Variants in SLC9A9 observed in about 807,000 individuals in gnomAD.
SLC9A9 encodes sodium/hydrogen exchanger 9.
SLC9A9 carries 62 observed loss-of-function variants against 77.8 expected under a neutral mutation model. That is an observed-to-expected ratio of 0.80 (90% confidence interval 0.65 to 0.98). The LOEUF (loss-of-function observed/expected upper bound fraction) is 0.98, where lower values mean the gene tolerates loss of function less well. Among genes scored for constraint, SLC9A9 ranks in the 50% least tolerant of loss-of-function variants. The probability of loss-of-function intolerance (pLI) is 0.00; values close to 1 mark genes in which losing one functional copy is unlikely to be tolerated. For missense variants in SLC9A9, 775 were observed against 774.9 expected (o/e 1.00, Z 0.00); for synonymous variants, 320 against 283.5 (o/e 1.13, Z -1.29).
chr3:143,385,462 T>C (rs965417560), intron 12 of SLC9A9, among the ~76,000 whole-genome samples: 1 of 152,190 alleles, frequency 6.6e-6, no homozygotes, highest in African/African-American at 2.4e-5. Context: ...CATGGCACCT[T>C]CACACAGCAT....
At chr3:143,541,398 C>A (rs2036687683) in intron 9 of SLC9A9, among the ~76,000 whole-genome samples, 1 of 152,128 alleles carries the variant, frequency 6.6e-6, no homozygotes, top group South Asian at 2.1e-4. Context: ...GACACGGAAG[C>A]CCTGATCAAC....
chr3:143,388,157 A>G (rs6440169), intron 12 of SLC9A9, among the ~76,000 whole-genome samples: 126,572 of 152,148 alleles, frequency 0.83, 52,784 homozygotes, highest in African/African-American at 0.86. Flanking sequence ...GATACCCACT[A>G]AGGTTTGGGG....
intron 14 of SLC9A9, among the ~76,000 whole-genome samples, chr3:143,299,740 G>A (rs978080023): frequency 2.6e-5 from 4 of 152,152 alleles, no homozygotes; most frequent in Admixed American, 6.5e-5. Flanking sequence ...ACCACGTCCT[G>A]CCACACATTT....
At chr3:143,750,087 G>C (rs2006659322) in intron 4 of SLC9A9, among the ~76,000 whole-genome samples, 1 of 152,156 alleles carries the variant, frequency 6.6e-6, no homozygotes, top group South Asian at 2.1e-4. Context: ...AAGAGACAGA[G>C]AGAAAGAGAC....
At chr3:143,465,969 G>T (rs2035273885) in intron 12 of SLC9A9, among the ~76,000 whole-genome samples, 1 of 152,178 alleles carries the variant, frequency 6.6e-6, no homozygotes, top group Non-Finnish European at 1.5e-5. Context: ...CCTGGTTTGA[G>T]CATAAGGTTT....
At chr3:143,442,032 A>G (rs1369621075) in intron 12 of SLC9A9, among the ~76,000 whole-genome samples, 1 of 151,166 alleles carries the variant, frequency 6.6e-6, no homozygotes, top group African/African-American at 2.4e-5. Flanking sequence ...CCAACCACCC[A>G]TCCCTTAACT....
chr3:143,558,362 AC>A (rs1490959652), intron 8 of SLC9A9, among the ~76,000 whole-genome samples: 1 of 152,074 alleles, frequency 6.6e-6, no homozygotes, highest in East Asian at 1.9e-4. Context: ...TGTCCTCTAG[AC>A]CCCAGAATTG....
At chr3:143,694,707 C>T (rs897846864) in intron 4 of SLC9A9, among the ~76,000 whole-genome samples, 2 of 152,120 alleles carry the variant, frequency 1.3e-5, no homozygotes, top group Non-Finnish European at 2.9e-5. Flanking sequence ...GCTCTAAAGC[C>T]TTGGCTTTTA....
In SLC9A9 at chr3:143,266,006, T is replaced by C. The variant is rs902446180; in HGVS notation, c.*696A>G. Reference sequence around the variant, plus strand: ...AAGAAACCTGGTTTTCTTGGAATGGTCCTACTAAGCTTGAAAGTGGTGCTG... The same window carrying C: ...AAGAAACCTGGTTTTCTTGGAATGGCCCTACTAAGCTTGAAAGTGGTGCTG... On this transcript the variant is annotated 3_prime_UTR_variant, in exon 16 of 16. Coordinates refer to ENST00000316549, the MANE Select transcript of SLC9A9 (RefSeq NM_173653.4). 2.9e-6 allele frequency: 2 copies of C among 700,394 alleles called. No homozygotes were observed. The highest frequency in any genetic ancestry group is 4.0e-5 in the Admixed American group (2 of 49,704). 43.4% of individuals were successfully genotyped at this position (700,394 alleles called of 1,614,324 possible).
In SLC9A9 at chr3:143,649,890, ACAACACAAAAGAGATTTTCATTTGTTCTT is replaced by A. The variant is rs767438854; in HGVS notation, c.755+2336_755+2364del. 2.4e-3 allele frequency among the ~76,000 whole-genome samples: 370 copies of A among 152,348 alleles called. 1 individual carries two copies. Among genetic ancestry groups the A allele is most frequent in the Non-Finnish European group, 4.7e-3 (317 of 68,040 alleles). On this transcript the variant is annotated intron_variant, in intron 6 of 15. Coordinates refer to ENST00000316549, the MANE Select transcript of SLC9A9 (RefSeq NM_173653.4). ...ACGCAAAGATGGAACTAAGAGAGGGACAACACAAAAGAGATTTTCATTTGTTCTTCTAAGACACACTTCAAGTACATAGA... is the reference window on the plus strand; with the variant it reads ...ACGCAAAGATGGAACTAAGAGAGGGACTAAGACACACTTCAAGTACATAGA...
rs1326638061 is a variant in SLC9A9 at position 143,273,790 on chromosome 3, A to G, written c.1605-4810T>C. Among the ~76,000 whole-genome samples the G allele has an allele frequency of 3.3e-5, 5 of 152,218 alleles. No individual in the cohort carries two copies. The East Asian group carries it at 9.6e-4, about 29-fold the overall frequency. On this transcript the variant is annotated intron_variant, in intron 14 of 15. Transcript: ENST00000316549. ...GAGATTCTGATTCAGCAGATCTGGG[A>G]AGTAAACGAAGACACTGAATTTTCA... is the stretch of plus-strand genomic sequence containing the variant.
chr3:143,356,099 A>C (rs2032577410), intron 14 of SLC9A9, among the ~76,000 whole-genome samples: 1 of 152,194 alleles, frequency 6.6e-6, no homozygotes, highest in African/African-American at 2.4e-5. Flanking sequence ...AATATTTTAT[A>C]ATCATAGTGG....
chr3:143,746,049 G>A (rs560958634), intron 4 of SLC9A9, among the ~76,000 whole-genome samples: 2 of 152,220 alleles, frequency 1.3e-5, no homozygotes, highest in Admixed American at 6.5e-5. Context: ...GGAAAATGGC[G>A]AGCATAGGCC....
At chr3:143,750,071 CAGAGAAAGAGACAG>C (rs1348982898) in intron 4 of SLC9A9, among the ~76,000 whole-genome samples, 3 of 152,118 alleles carry the variant, frequency 2.0e-5, no homozygotes, top group African/African-American at 7.2e-5. Flanking sequence ...CGGGCAGACA[CAGAGAAAGAGACAG>C]AGAGAAAGAG....
At chr3:143,651,362 A>G (rs542923505) in intron 6 of SLC9A9, among the ~76,000 whole-genome samples, 12 of 152,298 alleles carry the variant, frequency 7.9e-5, no homozygotes, top group South Asian at 2.1e-4. Context: ...AGAAATGTCA[A>G]CTGGCAAAAA....
At chr3:143,436,836 C>T (rs2034630375) in intron 12 of SLC9A9, among the ~76,000 whole-genome samples, 1 of 152,210 alleles carries the variant, frequency 6.6e-6, no homozygotes, top group Non-Finnish European at 1.5e-5. Context: ...AGCACTGCCA[C>T]TCTGCCTAGG....
intron 4 of SLC9A9, among the ~76,000 whole-genome samples, chr3:143,758,312 T>C (rs2006996326): frequency 6.6e-6 from 1 of 152,208 alleles, no homozygotes; most frequent in African/African-American, 2.4e-5. Context: ...TATTATATAG[T>C]GTTACACTCA....
intron 5 of SLC9A9, among the ~76,000 whole-genome samples, chr3:143,668,276 A>T (rs2039103238): frequency 7.0e-6 from 1 of 143,504 alleles, no homozygotes; most frequent in Non-Finnish European, 1.5e-5. Flanking sequence ...GTGGGAACTA[A>T]ACAATGAGAA....
chr3:143,273,540 C>T (rs1189586075), intron 14 of SLC9A9, among the ~76,000 whole-genome samples: 1 of 152,202 alleles, frequency 6.6e-6, no homozygotes, highest in Non-Finnish European at 1.5e-5. Context: ...CTCTATTCTT[C>T]CAGCCTCCAA....
Sources: allele counts gnomAD v4.1 joint callset (sites outside exome capture counted in the v4.1 genomes callset), GRCh38; gene constraint gnomAD v4.1.1; transcripts MANE v1.5; gene names NCBI Gene and HGNC (gene_info 2026-07-23, HGNC 2026-07-21).